Variants in LRRFIP1 observed in about 807,000 individuals in gnomAD.
LRRFIP1 encodes the protein LRR binding FLII interacting protein 1, also known as leucine-rich repeat flightless-interacting protein 1.
Under a neutral mutation model 104.4 loss-of-function variants are expected in LRRFIP1, and 62 were observed. That is an observed-to-expected ratio of 0.59 (90% CI 0.48 to 0.73). The LOEUF is 0.73. Ranked by LOEUF, LRRFIP1 falls within the 30% of genes least tolerant of loss-of-function variation. The probability of loss-of-function intolerance (pLI) is 0.00; values close to 1 mark genes in which losing one functional copy is unlikely to be tolerated. For missense variants in LRRFIP1, 796 were observed against 824.5 expected (o/e 0.97, Z 0.42); for synonymous variants, 300 against 299.0 (o/e 1.00, Z -0.03).
rs2150956565 is a variant in LRRFIP1, at chr2:237,781,172, C to T, written c.*1640C>T. ...TTCTTCCACAACATCTGAATACAAGCATGTTTAACTGGGAAAATGTCTATG... is the reference window on the plus strand; with the variant it reads ...TTCTTCCACAACATCTGAATACAAGTATGTTTAACTGGGAAAATGTCTATG... On this transcript the variant is annotated 3_prime_UTR_variant, in exon 24 of 24. Coordinates refer to ENST00000308482, the MANE Select transcript of LRRFIP1 (RefSeq NM_001137550.2). Among the ~76,000 whole-genome samples the T allele has an allele frequency of 6.6e-6, 1 of 152,360 alleles. No homozygotes were observed. Among genetic ancestry groups the T allele is most frequent in the East Asian group, 1.9e-4 (1 of 5,190 alleles).
intron 1 of LRRFIP1, among the ~76,000 whole-genome samples, chr2:237,634,439 T>C (rs2082812232): frequency 1.3e-5 from 2 of 152,202 alleles, no homozygotes; most frequent in Non-Finnish European, 2.9e-5. Flanking sequence ...TAGAATCAGA[T>C]TTCCTGGGTT....
intron 2 of LRRFIP1, among the ~76,000 whole-genome samples, chr2:237,710,155 C>T (rs958474679): frequency 1.3e-5 from 2 of 152,216 alleles, no homozygotes; most frequent in African/African-American, 2.4e-5. Flanking sequence ...GCCACCACAC[C>T]TGGCTTAAAT....
At chr2:237,727,292 G>C (rs570192556) in intron 7 of LRRFIP1, among the ~76,000 whole-genome samples, 311 of 150,978 alleles carry the variant, frequency 2.1e-3, no homozygotes, top group African/African-American at 7.1e-3. Context: ...GGAGGCAGAG[G>C]TTGCAGTGAG....
chr2:237,744,079 G>T (rs1350276596), intron 11 of LRRFIP1, among the ~76,000 whole-genome samples: 2 of 152,184 alleles, frequency 1.3e-5, no homozygotes, highest in African/African-American at 4.8e-5. Flanking sequence ...AAAGAGGCAG[G>T]GGCAGGGACC....
At chr2:237,763,702 A>G (rs1474643019) in intron 19 of LRRFIP1, 21 of 1,614,126 alleles carry the variant, frequency 1.3e-5, no homozygotes, top group South Asian at 1.2e-4. Flanking sequence ...GTGATGATGT[A>G]CAAACAGCAG....
At chr2:237,764,629 T>C (rs2060143302) in intron 19 of LRRFIP1, 2 of 987,424 alleles carry the variant, frequency 2.0e-6, no homozygotes, top group Non-Finnish European at 1.2e-6. Flanking sequence ...ACCTGTATGG[T>C]ATTTTATTTA....
chr2:237,771,187 A>G (rs1261045077), intron 20 of LRRFIP1, among the ~76,000 whole-genome samples: 1 of 151,942 alleles, frequency 6.6e-6, no homozygotes, highest in African/African-American at 2.4e-5. Context: ...CACGAACTAG[A>G]TGCCAGAAAG....
At chr2:237,742,232 G>A (rs144233049) in intron 11 of LRRFIP1, among the ~76,000 whole-genome samples, 1 of 152,220 alleles carries the variant, frequency 6.6e-6, no homozygotes, top group Admixed American at 6.5e-5. Flanking sequence ...ACCTGATGGG[G>A]GTGGGTGATC....
chr2:237,675,592 G>C (rs1000431275), intron 1 of LRRFIP1, among the ~76,000 whole-genome samples: 1 of 152,082 alleles, frequency 6.6e-6, no homozygotes, highest in Non-Finnish European at 1.5e-5. Context: ...AAACATAAAG[G>C]GTTTTCTTTC....
intron 3 of LRRFIP1, among the ~76,000 whole-genome samples, chr2:237,715,551 G>A (rs915389257): frequency 2.0e-5 from 3 of 152,224 alleles, no homozygotes; most frequent in East Asian, 3.8e-4. Context: ...TGTGTAGAAT[G>A]TGAAGCTAGA....
At chr2:237,702,255 G>C (rs574408243) in intron 1 of LRRFIP1, among the ~76,000 whole-genome samples, 1 of 152,298 alleles carries the variant, frequency 6.6e-6, no homozygotes, top group South Asian at 2.1e-4. Flanking sequence ...GTCGTGGTTC[G>C]GCTTTCTAGG....
At position 237,723,581 on chromosome 2, in the gene LRRFIP1, G is replaced by A. The variant is rs188452721; in HGVS notation, c.379G>A (p.Ala127Thr). 9.2e-5 allele frequency: 149 copies of A among 1,613,640 alleles called. 1 individual carries two copies. In the African/African-American group the frequency reaches 1.2e-3, roughly 13 times the overall value. The change falls in exon 7 of 24, where the codon GCC (alanine) becomes ACC (threonine). Residue 127 changes from alanine to threonine, a missense_variant. Coordinates refer to ENST00000308482, the MANE Select transcript of LRRFIP1 (RefSeq NM_001137550.2). ...TGACTTGGAGTATGGGGGTCCTTAC[G>A]CCTGGGTGAGATGGTCGGATATACT... is the stretch of plus-strand genomic sequence containing the variant. Reference protein sequence around the residue: ...QPDLEYGGPYAWTNGYDGELY... With the variant: ...QPDLEYGGPYTWTNGYDGELY...
intron 1 of LRRFIP1, among the ~76,000 whole-genome samples, chr2:237,705,527 G>T (rs1386483527): frequency 6.6e-6 from 1 of 152,134 alleles, no homozygotes; most frequent in Non-Finnish European, 1.5e-5. Context: ...GCTGGGTGTG[G>T]TGGCACCTGC....
chr2:237,642,908 C>T (rs1338345870), intron 1 of LRRFIP1, among the ~76,000 whole-genome samples: 1 of 152,202 alleles, frequency 6.6e-6, no homozygotes, highest in South Asian at 2.1e-4. Flanking sequence ...CTCCAGGCTA[C>T]CTGGAGAGGG....
chr2:237,658,862 A>G (rs2087319818), intron 1 of LRRFIP1, among the ~76,000 whole-genome samples: 1 of 152,176 alleles, frequency 6.6e-6, no homozygotes, highest in Admixed American at 6.5e-5. Context: ...CCAAGATGAG[A>G]TTTGGGTGGG....
At chr2:237,638,623 A>G (rs545504299) in intron 1 of LRRFIP1, among the ~76,000 whole-genome samples, 21 of 152,366 alleles carry the variant, frequency 1.4e-4, no homozygotes, top group African/African-American at 5.0e-4. Flanking sequence ...TGTGGTAGCC[A>G]CTAGCCCTCT....
chr2:237,681,678 CTTT>C (rs1172576547), intron 1 of LRRFIP1, among the ~76,000 whole-genome samples: 9 of 44,900 alleles, frequency 2.0e-4, no homozygotes, highest in East Asian at 2.0e-3. Context: ...CAGTCCTATT[CTTT>C]TTTTTTTTTT....
At chr2:237,681,501 G>A (rs1275625790) in intron 1 of LRRFIP1, among the ~76,000 whole-genome samples, 3 of 151,516 alleles carry the variant, frequency 2.0e-5, no homozygotes, top group African/African-American at 7.3e-5. Flanking sequence ...TGAGTAGCTG[G>A]CATTACAGGC....
At chr2:237,689,149 T>TA (rs1467695687) in intron 1 of LRRFIP1, among the ~76,000 whole-genome samples, 1 of 152,188 alleles carries the variant, frequency 6.6e-6, no homozygotes, top group African/African-American at 2.4e-5. Flanking sequence ...TAGGTTGGCG[T>TA]AAAAGTATTG....
Sources: allele counts gnomAD v4.1 joint callset (sites outside exome capture counted in the v4.1 genomes callset), GRCh38; gene constraint gnomAD v4.1.1; transcripts MANE v1.5; gene names NCBI Gene and HGNC (gene_info 2026-07-23, HGNC 2026-07-21).